The following EDARADD variants were observed in gnomAD, a reference collection of about 807,000 sequenced individuals.
EDARADD encodes the protein EDAR associated via death domain, also known as ectodysplasin-A receptor-associated adapter protein.
Under a neutral mutation model 25.6 loss-of-function variants are expected in EDARADD, and 20 were observed. The ratio of observed to expected loss-of-function variants is 0.78; its 90% CI spans 0.55 to 1.14. EDARADD has a LOEUF of 1.14. Among genes scored for constraint, EDARADD ranks in the 50% most tolerant of loss-of-function variants. The probability of loss-of-function intolerance (pLI) is 0.00; values close to 1 mark genes in which losing one functional copy is unlikely to be tolerated. For missense variants in EDARADD, 225 were observed against 270.1 expected, an observed-to-expected ratio of 0.83 and a Z score of 1.17; for synonymous variants, 86 against 94.4, an observed-to-expected ratio of 0.91 and a Z score of 0.52.
intron 3 of EDARADD, among the ~76,000 whole-genome samples, chr1:236,356,942 G>T (rs987968903): frequency 6.6e-6 from 1 of 151,940 alleles, no homozygotes; most frequent in Admixed American, 6.6e-5. Context: ...AAATTAGCCG[G>T]GCATGGTGGT....
At position 236,483,690 on chromosome 1, in the gene EDARADD, G is replaced by A; in HGVS notation, c.*1041G>A. On this transcript the variant is annotated 3_prime_UTR_variant, in exon 6 of 6. Coordinates refer to ENST00000334232, the MANE Select transcript of EDARADD (RefSeq NM_145861.4). ...GTTCATGGTCCTCCCAGTCGGTGCA[G>A]CAAACTTCAGGGAAGCCATGCCCAT... 1 of 1,569,946 alleles carries A rather than the reference G, an allele frequency of 6.4e-7. No individual in the cohort carries two copies. Among genetic ancestry groups the A allele is most frequent in the Non-Finnish European group, 8.8e-7 (1 of 1,141,686 alleles).
chr1:236,477,838 C>T (rs1440203610), intron 5 of EDARADD, among the ~76,000 whole-genome samples: 1 of 152,252 alleles, frequency 6.6e-6, no homozygotes, highest in Non-Finnish European at 1.5e-5. Context: ...CGCGGTGGCT[C>T]ACACCTGTAA....
At chr1:236,445,575 G>C (rs180783743) in intron 4 of EDARADD, among the ~76,000 whole-genome samples, 8 of 152,258 alleles carry the variant, frequency 5.3e-5, no homozygotes, top group Admixed American at 3.9e-4. Flanking sequence ...GGATGAGCTA[G>C]GCAGGAAGGA....
chr1:236,348,405 GCCT>G (rs2102988625), intron 1 of EDARADD: 1 of 152,406 alleles, frequency 6.6e-6, no homozygotes, highest in African/African-American at 2.4e-5. Flanking sequence ...GGACACGTGG[GCCT>G]CCAAAACACC....
intron 2 of EDARADD, among the ~76,000 whole-genome samples, chr1:236,412,694 T>A (rs2891731): frequency 0.043 from 6,619 of 152,236 alleles, 364 homozygotes; most frequent in African/African-American, 0.13. Context: ...TAGGGCTAGC[T>A]CCAGCATCGT....
In EDARADD at chr1:236,405,789, CTTTT is replaced by C. The variant is rs1558112501; in HGVS notation, c.62-3426_62-3423del. On this transcript the variant is annotated intron_variant, in intron 1 of 5. Coordinates refer to ENST00000334232, the MANE Select transcript of EDARADD (RefSeq NM_145861.4). The stretch of plus-strand genomic sequence containing the variant: ...TCTTTCTTTCTTTCTTTCTTTCTTT[CTTTT>C]CTTTTTCTTTCTTTCTTTCCTTCCT... Among the ~76,000 whole-genome samples the C allele has an allele frequency of 4.7e-3, 206 of 43,376 alleles. 8 individuals carry two copies. The highest frequency in any genetic ancestry group is 6.1e-3 in the Non-Finnish European group (118 of 19,244). 28.5% of individuals were successfully genotyped at this position (43,376 alleles called of 152,430 possible).
rs1558140155 is a variant in EDARADD, at chr1:236,482,421, G to A, written c.420G>A (p.Arg140=). Residue 140 remains arginine (R), a synonymous_variant, in exon 6 of 6, where the codon AGG becomes AGA. Coordinates refer to ENST00000334232, the MANE Select transcript of EDARADD (RefSeq NM_145861.4). The part of the protein sequence containing the change: ...DPCHPTVKNW[R]NFASKWGMSY... ...GTCACCCAACGGTGAAAAACTGGAG[G>A]AATTTTGCAAGCAAATGGGGGATGT... 1.9e-6 allele frequency: 3 copies of A among 1,614,200 alleles called. No individual in the cohort carries two copies. The highest frequency in any genetic ancestry group is 4.5e-5 in the East Asian group (2 of 44,884).
At chr1:236,453,133 A>G (rs1658758069) in intron 4 of EDARADD, among the ~76,000 whole-genome samples, 1 of 152,138 alleles carries the variant, frequency 6.6e-6, no homozygotes, top group African/African-American at 2.4e-5. Context: ...GTCCCTTCCT[A>G]GTGATAAGTG....
In EDARADD at chr1:236,483,864, G is replaced by C; in HGVS notation, c.*1215G>C. The C allele has an allele frequency of 1.4e-6, 2 of 1,404,086 alleles. No individual in the cohort carries two copies. The highest frequency in any genetic ancestry group is 2.3e-5 in the East Asian group (1 of 43,738). The allele number at this position is 1,404,086 out of a possible 1,614,324, so 87.0% of individuals were successfully genotyped here. On this transcript the variant is annotated 3_prime_UTR_variant, in exon 6 of 6. Transcript: ENST00000334232. ...GCTGCTGAAGACTGCGATTGGGAAA[G>C]CTGGCTACACTGATAAGGTGATCGT...
intron 4 of EDARADD, among the ~76,000 whole-genome samples, chr1:236,462,728 A>T (rs1179952903): frequency 2.0e-5 from 3 of 152,226 alleles, no homozygotes; most frequent in Admixed American, 6.5e-5. Flanking sequence ...AACTTAGCCG[A>T]CTTTCTGTTC....
chr1:236,483,970 G>T lies in EDARADD; in HGVS notation c.*1321G>T. On this transcript the variant is annotated 3_prime_UTR_variant, in exon 6 of 6. Coordinates refer to ENST00000334232, the MANE Select transcript of EDARADD (RefSeq NM_145861.4). ...TTCAAGTTTCTCGACGACCCCACCA[G>T]GTACATCTCACCTGACTGTCTGGCT... 2.9e-6 allele frequency: 4 copies of T among 1,371,738 alleles called. No homozygotes were observed. The Middle Eastern group carries it at 5.8e-4, about 199-fold the overall frequency. 85.0% of individuals were successfully genotyped at this position (1,371,738 alleles called of 1,614,324 possible).
At chr1:236,452,585 C>G (rs1284329399) in intron 4 of EDARADD, among the ~76,000 whole-genome samples, 1 of 152,140 alleles carries the variant, frequency 6.6e-6, no homozygotes, top group Non-Finnish European at 1.5e-5. Flanking sequence ...TTTCTTGAGG[C>G]CTCCTCAGCC....
chr1:236,428,437 C>G (rs1450920402), intron 4 of EDARADD, among the ~76,000 whole-genome samples: 1 of 152,208 alleles, frequency 6.6e-6, no homozygotes, highest in Non-Finnish European at 1.5e-5. Flanking sequence ...CCTTTCTATT[C>G]GACAAAACCG....
intron 5 of EDARADD, 115 bp downstream of exon 5, chr1:236,468,391 A>C: frequency 9.5e-7 from 1 of 1,052,496 alleles, no homozygotes; most frequent in Admixed American, 1.8e-5. Flanking sequence ...TGGGAGGCCA[A>C]GGTGGGCGGA....
At chr1:236,357,799 A>G (rs1439478536) in intron 3 of EDARADD, among the ~76,000 whole-genome samples, 1 of 152,044 alleles carries the variant, frequency 6.6e-6, no homozygotes, top group Non-Finnish European at 1.5e-5. Context: ...TGGGGATTAC[A>G]GTTCAACATG....
intron 1 of EDARADD, among the ~76,000 whole-genome samples, chr1:236,407,692 T>C (rs528823061): frequency 1.3e-5 from 2 of 150,356 alleles, no homozygotes; most frequent in African/African-American, 5.0e-5. Flanking sequence ...TGCAGGTCGT[T>C]CACTGCACAA....
rs1184705463 is a variant in EDARADD, at chr1:236,363,006, AATAT to A, written c.-6+12191_-6+12194del. ...TTTTAAGAAAAAAAAAAAAAAAAAA[AATAT>A]ATATATATATATATATATATATAAA... On this transcript the variant is annotated intron_variant, in intron 3 of 7. Coordinates refer to the EDARADD transcript ENST00000439430. Among the ~76,000 whole-genome samples the A allele has an allele frequency of 3.1e-3, 133 of 42,932 alleles. 3 individuals carry two copies. The highest frequency in any genetic ancestry group is 0.02 in the Middle Eastern group (1 of 50). 28.2% of individuals were successfully genotyped at this position (42,932 alleles called of 152,430 possible).
chr1:236,369,756 T>C (rs1667154731), intron 3 of EDARADD, among the ~76,000 whole-genome samples: 1 of 152,184 alleles, frequency 6.6e-6, no homozygotes, highest in Non-Finnish European at 1.5e-5. Flanking sequence ...AAGAACTGCT[T>C]GAACCTGGGA....
chr1:236,351,100 C>T (rs641964), intron 3 of EDARADD, among the ~76,000 whole-genome samples: 52,668 of 151,766 alleles, frequency 0.35, 9,438 homozygotes, highest in African/African-American at 0.44. Flanking sequence ...GATTACACCA[C>T]TGCACTCCAG....
Sources: allele counts gnomAD v4.1 joint callset (sites outside exome capture counted in the v4.1 genomes callset), GRCh38; gene constraint gnomAD v4.1.1; transcripts MANE v1.5; gene names NCBI Gene and HGNC (gene_info 2026-07-23, HGNC 2026-07-21).